ZC4H2: variants seen among roughly 807,000 people sequenced by gnomAD.
ZC4H2 encodes the protein zinc finger C4H2-type containing, also known as zinc finger C4H2 domain-containing protein.
For synonymous variants in ZC4H2, 84 were observed against 66.3 expected (o/e 1.27, Z -1.30); for missense variants, 137 against 173.9 (o/e 0.79, Z 1.19).
chrX:64,973,733 A>G (rs1027088913), intron 1 of ZC4H2, among the ~76,000 whole-genome samples: 14 of 111,293 alleles, frequency 1.3e-4, no homozygotes, highest in Admixed American at 6.7e-4. Context: ...TACCCATTCA[A>G]TACTGAAGGA....
chrX:64,999,068 T>TTTTA (rs1555948665), intron 1 of ZC4H2, among the ~76,000 whole-genome samples: 6 of 75,769 alleles, frequency 7.9e-5, no homozygotes, highest in African/African-American at 2.2e-4. Flanking sequence ...TTTTTTTTTT[T>TTTTA]AATCTATTCT....
intron 1 of ZC4H2, among the ~76,000 whole-genome samples, chrX:64,973,896 G>A (rs1931859890): frequency 1.8e-5 from 2 of 110,939 alleles, no homozygotes; most frequent in African/African-American, 3.3e-5. Context: ...TTTTGAAGAA[G>A]TTTCCTTTTT....
chrX:65,033,529 G>A (rs1347167603), intron 1 of ZC4H2, among the ~76,000 whole-genome samples: 1 of 111,589 alleles, frequency 9.0e-6, no homozygotes, highest in Non-Finnish European at 1.9e-5. Flanking sequence ...AGGGGGTGTG[G>A]AAGGAGCTAG....
intron 1 of ZC4H2, among the ~76,000 whole-genome samples, chrX:64,972,337 A>C (rs1056444104): frequency 9.0e-6 from 1 of 111,284 alleles, no homozygotes. Flanking sequence ...GTGAGTGCTG[A>C]GTATGAATGC....
chrX:64,976,882 C>T (rs1414281857), upstream of ZC4H2, among the ~76,000 whole-genome samples: 1 of 97,465 alleles, frequency 1.0e-5, no homozygotes, highest in Non-Finnish European at 2.0e-5. Context: ...GTTGAATGTG[C>T]TAGCTGCTGC....
At chrX:64,929,612 T>C (rs1210872795) in intron 1 of ZC4H2, among the ~76,000 whole-genome samples, 1 of 111,653 alleles carries the variant, frequency 9.0e-6, no homozygotes, top group Non-Finnish European at 1.9e-5. Context: ...GCACCATTTA[T>C]TGAATAGGGT....
intron 1 of ZC4H2, 143 bp from the exon 2 acceptor site, chrX:64,922,131 C>A (rs886228112): frequency 1.8e-6 from 2 of 1,090,823 alleles, no homozygotes; most frequent in African/African-American, 3.8e-5. Flanking sequence ...AAAAAGAAGG[C>A]CAGGTGCAAT....
At chrX:65,011,468 T>C (rs1932754598) in intron 1 of ZC4H2, among the ~76,000 whole-genome samples, 1 of 111,495 alleles carries the variant, frequency 9.0e-6, no homozygotes, top group African/African-American at 3.3e-5. Flanking sequence ...CCAATTTCAA[T>C]ATTTGTATAA....
intron 1 of ZC4H2, among the ~76,000 whole-genome samples, chrX:65,030,199 CCT>C (rs1375297690): frequency 9.0e-6 from 1 of 111,590 alleles, no homozygotes; most frequent in African/African-American, 3.3e-5. Flanking sequence ...TTCACTGCAA[CCT>C]CTGTCTCCTG....
intron 1 of ZC4H2, among the ~76,000 whole-genome samples, chrX:65,012,541 C>G (rs942814561): frequency 9.0e-6 from 1 of 111,488 alleles, no homozygotes; most frequent in Non-Finnish European, 1.9e-5. Context: ...TTACTTCTTC[C>G]TCTCTCAAAA....
chrX:65,022,567 T>C (rs1932844832), intron 1 of ZC4H2, among the ~76,000 whole-genome samples: 1 of 111,852 alleles, frequency 8.9e-6, no homozygotes, highest in Admixed American at 9.5e-5. Flanking sequence ...ACAGCCAATA[T>C]CATACTGAAT....
intron 1 of ZC4H2, among the ~76,000 whole-genome samples, chrX:65,002,149 CCAACA>C (rs1251747658): frequency 8.9e-6 from 1 of 111,873 alleles, no homozygotes; most frequent in Non-Finnish European, 1.9e-5. Context: ...ATTCTTCTCA[CCAACA>C]CAACACAACA....
intron 1 of ZC4H2, among the ~76,000 whole-genome samples, chrX:64,957,248 C>T (rs1276783602): frequency 3.6e-5 from 4 of 111,949 alleles, no homozygotes; most frequent in Non-Finnish European, 5.6e-5. Flanking sequence ...ACCTCACTTC[C>T]GATTTCTGTA....
At chrX:64,975,414 C>T (rs5964405) in intron 1 of ZC4H2, among the ~76,000 whole-genome samples, 13,756 of 111,145 alleles carry the variant, frequency 0.12, 2,071 homozygotes, top group African/African-American at 0.42. Context: ...TAAAGAAACA[C>T]ACTTGACATC....
chrX:65,019,453 T>C (rs1472229707), intron 1 of ZC4H2, among the ~76,000 whole-genome samples: 2 of 112,167 alleles, frequency 1.8e-5, no homozygotes, highest in Middle Eastern at 4.2e-3. Context: ...GCCTGACTGT[T>C]AGAAGGAAAA....
At chrX:64,970,626 G>A (rs1931750741) in intron 1 of ZC4H2, among the ~76,000 whole-genome samples, 1 of 111,538 alleles carries the variant, frequency 9.0e-6, no homozygotes, top group Non-Finnish European at 1.9e-5. Flanking sequence ...GGAGTCTGTG[G>A]TTGGGGTATT....
intron 1 of ZC4H2, among the ~76,000 whole-genome samples, chrX:65,028,493 A>G (rs1932902311): frequency 9.0e-6 from 1 of 111,297 alleles, no homozygotes; most frequent in Non-Finnish European, 1.9e-5. Context: ...TTCTGTGAGA[A>G]GGTGAAATCA....
At chrX:65,008,436 A>G (rs1602452143) in intron 1 of ZC4H2, among the ~76,000 whole-genome samples, 1 of 112,148 alleles carries the variant, frequency 8.9e-6, no homozygotes, top group East Asian at 2.8e-4. Context: ...TAGAACTACC[A>G]TATGATCGGG....
At chrX:64,918,815 T>A (rs895551017) in intron 4 of ZC4H2, 4 of 316,085 alleles carry the variant, frequency 1.3e-5, no homozygotes, top group East Asian at 4.9e-5. Flanking sequence ...TAGCAGGGCC[T>A]GAAAATCTCC....
Sources: gnomAD v4.1 joint callset for allele counts (sites outside exome capture counted in the v4.1 genomes callset) on GRCh38, gnomAD v4.1.1 for gene constraint, MANE v1.5 for transcripts, NCBI Gene and HGNC (gene_info 2026-07-23, HGNC 2026-07-21) for gene names.